Variants in EYS observed in about 807,000 individuals in gnomAD.
EYS encodes EGF-like photoreceptor maintenance factor.
EYS carries 250 observed loss-of-function variants against 282.1 expected under a neutral mutation model. The ratio of observed to expected loss-of-function variants is 0.89; its 90% confidence interval spans 0.80 to 0.98. The LOEUF (loss-of-function observed/expected upper bound fraction) is 0.98. Among genes scored for constraint, EYS ranks in the 50% least tolerant of loss-of-function variants. The pLI is 0.00. For synonymous variants in EYS, 1,355 were observed against 1,282.9 expected (o/e 1.06, Z -1.20); for missense variants, 4,016 against 3,709.0 (o/e 1.08, Z -2.15).
chr6:63,725,106 ATTT>A (rs1214878608), intron 42 of EYS, among the ~76,000 whole-genome samples: 1 of 152,170 alleles, frequency 6.6e-6, no homozygotes, highest in Non-Finnish European at 1.5e-5. Flanking sequence ...TAGAACTTAT[ATTT>A]TTAATATTTA....
At chr6:65,384,330 T>C in intron 8 of EYS, 56 bp downstream of exon 8, 1 of 904,702 alleles carries the variant, frequency 1.1e-6, no homozygotes, top group Non-Finnish European at 1.8e-6. Flanking sequence ...ATAGACTAAC[T>C]GAGTCTATTG....
chr6:64,277,235 A>C (rs1485138638), intron 30 of EYS, among the ~76,000 whole-genome samples: 2 of 152,152 alleles, frequency 1.3e-5, no homozygotes, highest in Non-Finnish European at 2.9e-5. Context: ...TAGCTTTGTG[A>C]AACACAGTTG....
At chr6:64,295,057 A>G (rs1414011125) in intron 30 of EYS, among the ~76,000 whole-genome samples, 2 of 151,750 alleles carry the variant, frequency 1.3e-5, no homozygotes, top group African/African-American at 2.4e-5. Context: ...TTCTTGGGTT[A>G]TTGGGTAGAC....
At chr6:63,787,072 A>G (rs1770385007) in intron 39 of EYS, 1 of 152,192 alleles carries the variant, frequency 6.6e-6, no homozygotes, top group African/African-American at 2.4e-5. Flanking sequence ...AGACTGTGGC[A>G]TAAGTGGCAA....
At chr6:64,428,979 T>C (rs1202896897) in intron 28 of EYS, among the ~76,000 whole-genome samples, 1 of 152,052 alleles carries the variant, frequency 6.6e-6, no homozygotes, top group Non-Finnish European at 1.5e-5. Context: ...CAACCAAAAA[T>C]ATTCTCAAAA....
chr6:64,710,454 GT>G (rs1486646364), intron 22 of EYS, among the ~76,000 whole-genome samples: 1 of 152,192 alleles, frequency 6.6e-6, no homozygotes, highest in Non-Finnish European at 1.5e-5. Flanking sequence ...CCTTCATCCA[GT>G]TAAAGGGTAG....
chr6:65,418,283 A>G (rs1488745904), intron 5 of EYS, among the ~76,000 whole-genome samples: 3 of 152,034 alleles, frequency 2.0e-5, no homozygotes, highest in Admixed American at 2.0e-4. Context: ...TAATACAGAG[A>G]AGACCTGTCA....
At chr6:64,990,162 T>A (rs1771015661) in intron 14 of EYS, among the ~76,000 whole-genome samples, 1 of 151,534 alleles carries the variant, frequency 6.6e-6, no homozygotes, top group Non-Finnish European at 1.5e-5. Context: ...ACTGAGGCTA[T>A]TAAGTTAATA....
At position 63,999,178 on chromosome 6, in the gene EYS, G is replaced by A. The variant is rs557220287; in HGVS notation, c.6731C>T (p.Thr2244Ile). Residue 2244 changes from threonine to isoleucine, a missense_variant, in exon 34 of 43, where the codon ACA becomes ATA. Transcript: ENST00000503581. ...NAFTPITIRY[T>I]TPVGSPGVVC... ...AACTCCAGGGCTGCCAACAGGCGTTGTGTAGCTAAACGTAAAACAGAAGAG... is the reference window on the plus strand; with the variant it reads ...AACTCCAGGGCTGCCAACAGGCGTTATGTAGCTAAACGTAAAACAGAAGAG... 1.9e-6 allele frequency: 3 copies of A among 1,550,626 alleles called. No individual in the cohort carries two copies. The East Asian group carries it at 7.3e-5, about 38-fold the overall frequency.
intron 5 of EYS, among the ~76,000 whole-genome samples, chr6:65,468,958 A>G (rs1422512299): frequency 6.6e-6 from 1 of 152,146 alleles, no homozygotes; most frequent in African/African-American, 2.4e-5. Flanking sequence ...CTCTACTTAA[A>G]TACTTTTCTT....
chr6:64,570,641 T>A (rs898086974), intron 26 of EYS, among the ~76,000 whole-genome samples: 1 of 152,070 alleles, frequency 6.6e-6, no homozygotes, highest in Non-Finnish European at 1.5e-5. Flanking sequence ...TCCTAATCTC[T>A]GATAAAATAG....
At chr6:64,941,758 G>A (rs1440740998) in intron 15 of EYS, among the ~76,000 whole-genome samples, 2 of 152,060 alleles carry the variant, frequency 1.3e-5, no homozygotes, top group African/African-American at 2.4e-5. Flanking sequence ...ATGGCCTCAA[G>A]CTACATCCAT....
At chr6:63,815,575 T>C (rs556445330) in intron 36 of EYS, among the ~76,000 whole-genome samples, 1 of 152,356 alleles carries the variant, frequency 6.6e-6, no homozygotes, top group East Asian at 1.9e-4. Context: ...CATTCCTCCT[T>C]CTATATTTAA....
At chr6:65,367,896 A>T (rs1488957218) in intron 8 of EYS, among the ~76,000 whole-genome samples, 2 of 151,616 alleles carry the variant, frequency 1.3e-5, no homozygotes, top group Non-Finnish European at 2.9e-5. Flanking sequence ...CATAGCAGTA[A>T]TTCCTGAGCA....
At chr6:64,411,025 C>A (rs1773872814) in intron 28 of EYS, among the ~76,000 whole-genome samples, 1 of 151,936 alleles carries the variant, frequency 6.6e-6, no homozygotes, top group Non-Finnish European at 1.5e-5. Context: ...TGTTTTAAGT[C>A]TTTAGAAGCT....
chr6:64,015,832 C>T (rs1768865573), intron 33 of EYS, among the ~76,000 whole-genome samples: 1 of 152,198 alleles, frequency 6.6e-6, no homozygotes, highest in African/African-American at 2.4e-5. Context: ...CAGGTTTGTG[C>T]ACCAGCTTCA....
chr6:65,532,953 T>C (rs1490947413), intron 2 of EYS, among the ~76,000 whole-genome samples: 1 of 152,132 alleles, frequency 6.6e-6, no homozygotes, highest in Non-Finnish European at 1.5e-5. Context: ...CTACAATTTA[T>C]TGTAATTGCT....
intron 12 of EYS, among the ~76,000 whole-genome samples, chr6:65,181,918 T>C (rs1250525154): frequency 6.6e-6 from 1 of 152,002 alleles, no homozygotes; most frequent in Non-Finnish European, 1.5e-5. Flanking sequence ...GGGACATGGA[T>C]GAAGCTGGAA....
chr6:65,169,763 C>T (rs1765061084), intron 12 of EYS, among the ~76,000 whole-genome samples: 1 of 151,364 alleles, frequency 6.6e-6, no homozygotes, highest in African/African-American at 2.4e-5. Flanking sequence ...TATAATGATC[C>T]TCAAATTTTG....
Sources: gnomAD v4.1 joint callset for allele counts (sites outside exome capture counted in the v4.1 genomes callset) on GRCh38, gnomAD v4.1.1 for gene constraint, MANE v1.5 for transcripts, NCBI Gene and HGNC (gene_info 2026-07-23, HGNC 2026-07-21) for gene names.